Variants in ELF2 observed in about 807,000 individuals in gnomAD.
ELF2 encodes the protein ETS-related transcription factor Elf-2.
Under a neutral mutation model 54.8 loss-of-function variants are expected in ELF2, and 11 were observed. That is an observed-to-expected ratio of 0.20 (90% CI 0.13 to 0.33). The LOEUF (loss-of-function observed/expected upper bound fraction) is 0.33. Among genes scored for constraint, ELF2 ranks in the 10% least tolerant of loss-of-function variants. The probability of loss-of-function intolerance (pLI) is 1.00; values close to 1 mark genes in which losing one functional copy is unlikely to be tolerated. For missense variants in ELF2, 513 were observed against 703.0 expected, an observed-to-expected ratio of 0.73 and a Z score of 3.06; for synonymous variants, 203 against 245.1, an observed-to-expected ratio of 0.83 and a Z score of 1.61.
intron 1 of ELF2, among the ~76,000 whole-genome samples, chr4:139,155,729 T>C (rs984626718): frequency 8.5e-5 from 13 of 152,314 alleles, no homozygotes; most frequent in African/African-American, 3.1e-4. Context: ...TAATGAATTG[T>C]TTAAAGAAAG....
intron 1 of ELF2, among the ~76,000 whole-genome samples, chr4:139,174,940 G>C (rs910888447): frequency 2.6e-5 from 4 of 152,106 alleles, no homozygotes; most frequent in Non-Finnish European, 5.9e-5. Flanking sequence ...TTATTTTAGG[G>C]ACCTGAGCAT....
chr4:139,087,017 T>C (rs1333357977), intron 4 of ELF2, among the ~76,000 whole-genome samples: 2 of 152,206 alleles, frequency 1.3e-5, no homozygotes, highest in African/African-American at 4.8e-5. Context: ...ATATGTACAA[T>C]AGCATTCATT....
At chr4:139,114,523 A>C (rs1735329309) in intron 4 of ELF2, among the ~76,000 whole-genome samples, 2 of 139,844 alleles carry the variant, frequency 1.4e-5, no homozygotes, top group South Asian at 2.3e-4. Flanking sequence ...AGATCGCGCC[A>C]CTGCACTCCA....
At chr4:139,166,189 C>T (rs2148909334) in intron 1 of ELF2, among the ~76,000 whole-genome samples, 1 of 152,136 alleles carries the variant, frequency 6.6e-6, no homozygotes, top group East Asian at 1.9e-4. Flanking sequence ...AGTCTTTAGT[C>T]TCTGGTCTTT....
In ELF2 at chr4:139,146,150, T is replaced by C. The variant is rs74503210; in HGVS notation, c.-251-6653A>G. The stretch of plus-strand genomic sequence containing the variant: ...TGCTGAAGATTCCTCCAAAGACTAT[T>C]AGATTTGATAAGTGAATTTAGTAAA... On this transcript the variant is annotated intron_variant, in intron 1 of 9. Transcript: ENST00000686138. 8.1e-4 allele frequency among the ~76,000 whole-genome samples: 124 copies of C among 152,324 alleles called. 2 individuals are homozygous for C. In the East Asian group the frequency reaches 0.021, roughly 26 times the overall value.
chr4:139,094,332 A>G (rs1733010525), intron 4 of ELF2, among the ~76,000 whole-genome samples: 1 of 152,204 alleles, frequency 6.6e-6, no homozygotes, highest in South Asian at 2.1e-4. Flanking sequence ...TACAGGACCA[A>G]AGCCATCACA....
chr4:139,100,128 C>T (rs1005304268), intron 4 of ELF2, among the ~76,000 whole-genome samples: 6 of 152,172 alleles, frequency 3.9e-5, no homozygotes, highest in African/African-American at 9.7e-5. Flanking sequence ...GGGTTAAATC[C>T]TTGCTTCCAC....
At chr4:139,081,559 T>C (rs1338281151) in intron 4 of ELF2, among the ~76,000 whole-genome samples, 1 of 152,204 alleles carries the variant, frequency 6.6e-6, no homozygotes, top group Non-Finnish European at 1.5e-5. Flanking sequence ...GATTTTCACC[T>C]GTCTCCCCAG....
chr4:139,162,069 G>A (rs1429393969), intron 1 of ELF2, among the ~76,000 whole-genome samples: 1 of 152,162 alleles, frequency 6.6e-6, no homozygotes, highest in African/African-American at 2.4e-5. Context: ...ACTCTAGCTG[G>A]GGCGACAGAG....
intron 3 of ELF2, among the ~76,000 whole-genome samples, chr4:139,134,321 T>C (rs1737870164): frequency 6.6e-6 from 1 of 152,128 alleles, no homozygotes; most frequent in Admixed American, 6.6e-5. Context: ...ATTCTACCAT[T>C]TATACACTGC....
chr4:139,079,169 A>G (rs891539778), intron 4 of ELF2, among the ~76,000 whole-genome samples: 2 of 152,028 alleles, frequency 1.3e-5, no homozygotes, highest in African/African-American at 4.8e-5. Flanking sequence ...GACTCAAGAG[A>G]TCCTCCTGCC....
chr4:139,126,370 T>G (rs1448918892), intron 3 of ELF2, among the ~76,000 whole-genome samples: 1 of 91,210 alleles, frequency 1.1e-5, no homozygotes, highest in Non-Finnish European at 2.3e-5. Context: ...AAACAAGAAA[T>G]AGAAAGGAAA....
intron 4 of ELF2, among the ~76,000 whole-genome samples, chr4:139,121,306 C>G (rs927367939): frequency 6.6e-6 from 1 of 151,068 alleles, no homozygotes; most frequent in Admixed American, 6.6e-5. Flanking sequence ...GACGGGGTTT[C>G]ACCGTGTTAG....
At chr4:139,116,591 A>G in intron 4 of ELF2, 1 of 841,302 alleles carries the variant, frequency 1.2e-6, no homozygotes, top group Non-Finnish European at 1.4e-6. Flanking sequence ...GGTAGATGAA[A>G]TAATTTTAAT....
chr4:139,134,799 G>C (rs1019053623), intron 3 of ELF2, among the ~76,000 whole-genome samples: 1 of 151,190 alleles, frequency 6.6e-6, no homozygotes, highest in Non-Finnish European at 1.5e-5. Flanking sequence ...TCCTGCCTTG[G>C]CCTCCCAAAG....
intron 4 of ELF2, chr4:139,101,956 A>G (rs980445607): frequency 6.6e-6 from 1 of 152,036 alleles, no homozygotes; most frequent in African/African-American, 2.4e-5. Flanking sequence ...GATACTAACT[A>G]TAGACCAATG....
At chr4:139,137,025 TTC>T (rs1340157823) in intron 3 of ELF2, 1 of 150,394 alleles carries the variant, frequency 6.6e-6, no homozygotes, top group Admixed American at 6.6e-5. Flanking sequence ...GCCCCGGTAT[TTC>T]TACTACTGTT....
Position 139,072,055 on chromosome 4 carries a change from G to C in ELF2, c.353-16C>G, listed in dbSNP as rs369958340. The C allele has an allele frequency of 5.0e-6, 8 of 1,605,460 alleles. No homozygotes were observed. In the African/African-American group the frequency reaches 1.1e-4, roughly 22 times the overall value. ...AACACTTCCACTATAAAAAAAAGTT[G>C]AAAAATTAAAATTTCCCACCCCCAT... On this transcript the variant is annotated splice_polypyrimidine_tract_variant and intron_variant, in intron 5 of 9. Transcript: ENST00000686138.
rs1199997993 is a variant in ELF2, at chr4:139,113,512, G to T, written c.238+11652C>A. 2.0e-5 allele frequency among the ~76,000 whole-genome samples: 3 copies of T among 152,056 alleles called. No individual in the cohort carries two copies. The East Asian group carries it at 5.8e-4, about 29-fold the overall frequency. ...GGAGGCAGAGTTTGCAGTGAGCCAAGATCGTGCCACTGCACTCCAGTCTTG... is the reference window on the plus strand; with the variant it reads ...GGAGGCAGAGTTTGCAGTGAGCCAATATCGTGCCACTGCACTCCAGTCTTG... On this transcript the variant is annotated intron_variant, in intron 4 of 9. Transcript: ENST00000686138.
Sources: allele counts gnomAD v4.1 joint callset (sites outside exome capture counted in the v4.1 genomes callset), GRCh38; gene constraint gnomAD v4.1.1; transcripts MANE v1.5; gene names NCBI Gene and HGNC (gene_info 2026-07-23, HGNC 2026-07-21).